The following PLEKHG7 variants were observed in gnomAD, a reference collection of about 807,000 sequenced individuals.
The protein encoded by PLEKHG7 is pleckstrin homology domain-containing family G member 7.
Under a neutral mutation model 85.2 loss-of-function variants are expected in PLEKHG7, and 77 were observed. That is an observed-to-expected ratio of 0.90 (90% confidence interval 0.75 to 1.09). PLEKHG7 has a LOEUF of 1.09. Ranked by LOEUF, PLEKHG7 falls within the 50% of genes least tolerant of loss-of-function variation. The pLI is 0.00. For synonymous variants in PLEKHG7, 301 were observed against 302.4 expected (o/e 1.00, Z 0.05); for missense variants, 777 against 804.3 (o/e 0.97, Z 0.41).
At chr12:92,740,991 G>T in intron 8 of PLEKHG7, 43 bp downstream of exon 8, 1 of 1,393,952 alleles carries the variant, frequency 7.2e-7, no homozygotes. Context: ...TTCACTAGAG[G>T]ACCATGAAAA....
intron 3 of PLEKHG7, among the ~76,000 whole-genome samples, chr12:92,727,884 C>T (rs1446072180): frequency 6.7e-6 from 1 of 149,590 alleles, no homozygotes; most frequent in African/African-American, 2.5e-5. Flanking sequence ...AGCCACTGCG[C>T]CTGGCCAATT....
chr12:92,736,002 C>T lies in PLEKHG7; in HGVS notation c.700-480C>T, dbSNP rs573291154. 3.9e-5 allele frequency among the ~76,000 whole-genome samples: 6 copies of T among 152,182 alleles called. No individual in the cohort carries two copies. In the East Asian group the frequency reaches 1.2e-3, roughly 29 times the overall value. ...AGAGTTTCCAGCATATTCTGGTATT[C>T]TGTAGCAGAGAATTATTGTTTGGGG... On this transcript the variant is annotated intron_variant, in intron 5 of 16. Coordinates refer to ENST00000344636, the MANE Select transcript of PLEKHG7 (RefSeq NM_001377329.1).
chr12:92,749,289 TTATG>T (rs1259762928), intron 10 of PLEKHG7, among the ~76,000 whole-genome samples: 1 of 151,548 alleles, frequency 6.6e-6, no homozygotes, highest in South Asian at 2.1e-4. Context: ...ATTAATTTAT[TTATG>T]TATTTATTTA....
intron 3 of PLEKHG7, among the ~76,000 whole-genome samples, chr12:92,715,025 T>TAGAC (rs1434510769): frequency 9.3e-5 from 12 of 128,708 alleles, no homozygotes; most frequent in African/African-American, 3.5e-4. Context: ...ATGGGATAGA[T>TAGAC]AGATAGATAG....
At chr12:92,740,791 C>G (rs1227099920) in intron 7 of PLEKHG7, 62 bp from the exon 8 acceptor site, 10 of 1,148,652 alleles carry the variant, frequency 8.7e-6, no homozygotes, top group African/African-American at 1.5e-5. Context: ...AAAGTTCTTG[C>G]AAAAGGCATG....
intron 14 of PLEKHG7, among the ~76,000 whole-genome samples, chr12:92,762,190 C>T (rs927952521): frequency 6.6e-6 from 1 of 152,192 alleles, no homozygotes; most frequent in African/African-American, 2.4e-5. Context: ...CCATTTTGGC[C>T]TGTTCCTTTT....
intron 15 of PLEKHG7, among the ~76,000 whole-genome samples, chr12:92,764,985 G>A (rs1873148436): frequency 6.6e-6 from 1 of 152,058 alleles, no homozygotes; most frequent in Admixed American, 6.6e-5. Context: ...GGCAGGTGGG[G>A]ACTGACTTCC....
At chr12:92,714,814 G>A (rs994265101) in intron 3 of PLEKHG7, among the ~76,000 whole-genome samples, 2 of 152,100 alleles carry the variant, frequency 1.3e-5, no homozygotes, top group African/African-American at 4.8e-5. Context: ...CTCTCCAAAC[G>A]GTTCACACCA....
At chr12:92,751,833 A>G (rs1872698757) in intron 10 of PLEKHG7, among the ~76,000 whole-genome samples, 1 of 152,084 alleles carries the variant, frequency 6.6e-6, no homozygotes, top group South Asian at 2.1e-4. Flanking sequence ...CCTGGGCAAC[A>G]TAGTGATATC....
intron 15 of PLEKHG7, 36 bp downstream of exon 15, chr12:92,764,230 T>G: frequency 1.3e-6 from 2 of 1,555,054 alleles, no homozygotes; most frequent in Non-Finnish European, 1.7e-6. Flanking sequence ...CTCATCTGTT[T>G]GCCATCACAG....
intron 3 of PLEKHG7, among the ~76,000 whole-genome samples, chr12:92,716,313 G>A (rs550750685): frequency 2.0e-5 from 3 of 152,212 alleles, no homozygotes; most frequent in South Asian, 2.1e-4. Context: ...GGCCAGGCTG[G>A]CCTCAAACTC....
chr12:92,761,639 A>AAAG (rs1555196595), intron 13 of PLEKHG7, 113 bp from the exon 14 acceptor site: 2 of 497,948 alleles, frequency 4.0e-6, no homozygotes, highest in Admixed American at 7.8e-5. Flanking sequence ...AGAAAGAAAG[A>AAAG]AAGAAAGAAA....
chr12:92,745,445 G>C (rs1244041083), intron 9 of PLEKHG7, 33 bp from the exon 10 acceptor site: 3 of 1,433,452 alleles, frequency 2.1e-6, no homozygotes. Context: ...CTTAACTTGT[G>C]TTCATCCTCC....
At position 92,707,095 on chromosome 12, in the gene PLEKHG7, G is replaced by T; in HGVS notation, c.464G>T (p.Gly155Val). ...LHQASLRQQEGHFLPSPTLRH... is the reference protein window; with the variant it reads ...LHQASLRQQEVHFLPSPTLRH... ...CAGGCCTCTCTTCGGCAGCAAGAAG[G>T]CCACTTCCTGCCCAGCCCCACCCTA... Residue 155 changes from glycine to valine, a missense_variant, in exon 2 of 17, where the codon GGC becomes GTC. Around this residue, in one of 3 missense-constraint regions of PLEKHG7, gnomAD observed 252 missense variants for 241.9 expected, o/e 1.04. Coordinates refer to ENST00000344636, the MANE Select transcript of PLEKHG7 (RefSeq NM_001377329.1). 6.2e-7 allele frequency: 1 copy of T among 1,614,018 alleles called. No individual in the cohort carries two copies. Among genetic ancestry groups the T allele is most frequent in the Non-Finnish European group, 8.5e-7 (1 of 1,179,988 alleles).
intron 13 of PLEKHG7, 96 bp from the exon 14 acceptor site, chr12:92,761,638 GAAAGAAAGAAAGAAAGAA>G (rs1565797551): frequency 1.3e-5 from 7 of 519,426 alleles, no homozygotes; most frequent in African/African-American, 1.0e-4. Flanking sequence ...AAGAAAGAAA[GAAAGAAAGAAAGAAAGAA>G]AGAAAGAAAG....
chr12:92,757,602 C>G (rs1872870683), intron 13 of PLEKHG7, among the ~76,000 whole-genome samples: 1 of 152,206 alleles, frequency 6.6e-6, no homozygotes, highest in African/African-American at 2.4e-5. Context: ...CATACATTGT[C>G]TCTTTCCAGT....
chr12:92,724,726 G>A (rs1216090371), intron 3 of PLEKHG7, among the ~76,000 whole-genome samples: 2 of 152,166 alleles, frequency 1.3e-5, no homozygotes, highest in Non-Finnish European at 2.9e-5. Context: ...AGCTAAGTCT[G>A]TCCCCTTTGA....
chr12:92,770,298 T>G lies in PLEKHG7; in HGVS notation c.*103T>G. 1.1e-6 allele frequency: 1 copy of G among 929,682 alleles called. No individual in the cohort carries two copies. Among genetic ancestry groups the G allele is most frequent in the South Asian group, 1.6e-5 (1 of 61,458 alleles). 57.6% of individuals were successfully genotyped at this position (929,682 alleles called of 1,614,324 possible). On this transcript the variant is annotated 3_prime_UTR_variant, in exon 17 of 17. Coordinates refer to ENST00000344636, the MANE Select transcript of PLEKHG7 (RefSeq NM_001377329.1). The stretch of plus-strand genomic sequence containing the variant: ...AGCTAGTGATAAGCTAGAAGGAAAT[T>G]TGCATTTTAAAGAAGTTTCAGAATT...
At chr12:92,745,753 C>G (rs1488322448) in intron 10 of PLEKHG7, among the ~76,000 whole-genome samples, 162 bp downstream of exon 10, 1 of 152,216 alleles carries the variant, frequency 6.6e-6, no homozygotes. Context: ...ACATTGTCCA[C>G]TGCACACTTA....
Sources: gnomAD v4.1 joint callset for allele counts (sites outside exome capture counted in the v4.1 genomes callset) on GRCh38, gnomAD v4.1.1 for gene constraint, gnomAD v4.1.1 regional missense constraint, MANE v1.5 for transcripts, NCBI Gene and HGNC (gene_info 2026-07-23, HGNC 2026-07-21) for gene names.